The following PTGR3 variants were observed in gnomAD, a reference collection of about 807,000 sequenced individuals.
PTGR3 encodes the protein prostaglandin reductase 3, also known as zinc binding alcohol dehydrogenase domain containing 2.
chr18:75,198,856 T>C, the PTGR3 span: 5 of 152,560 alleles, frequency 3.3e-5, no homozygotes, highest in Non-Finnish European at 1.5e-5. Context: ...TTTTGTGATA[T>C]GTATTACAGT....
the PTGR3 span, chr18:75,195,660 C>T: frequency 3.3e-5 from 5 of 152,232 alleles, no homozygotes; most frequent in Admixed American, 2.6e-4. Flanking sequence ...TGCCTGTAAT[C>T]CCAGCACTTT....
chr18:75,208,227 G>T, the PTGR3 span: 1 of 786,020 alleles, frequency 1.3e-6, no homozygotes, highest in Non-Finnish European at 1.5e-6. Context: ...CCCGGGACAC[G>T]CGCCACGCGG....
At chr18:75,199,483 C>T in the PTGR3 span, 1 of 152,136 alleles carries the variant, frequency 6.6e-6, no homozygotes, top group Non-Finnish European at 1.5e-5. Flanking sequence ...TATTTTATTA[C>T]AACATTTTTT....
chr18:75,201,788 G>A, the PTGR3 span: 1 of 1,614,218 alleles, frequency 6.2e-7, no homozygotes, highest in Non-Finnish European at 8.5e-7. Context: ...CTACAGCCAA[G>A]TCAAACATGG....
chr18:75,208,771 G>A, the PTGR3 span: 5 of 1,265,608 alleles, frequency 4.0e-6, no homozygotes, highest in African/African-American at 6.3e-5. Flanking sequence ...CGGGCGGGCT[G>A]GGGACTGCGG....
chr18:75,204,764 C>T, the PTGR3 span, among the ~76,000 whole-genome samples: 1 of 152,114 alleles, frequency 6.6e-6, no homozygotes, highest in Admixed American at 6.5e-5. Flanking sequence ...CTCTCCGGGT[C>T]GGGCGGGGGC....
At chr18:75,208,437 C>A in the PTGR3 span, 4 of 996,854 alleles carry the variant, frequency 4.0e-6, no homozygotes, top group East Asian at 4.3e-4. Flanking sequence ...TCGCAGTTTG[C>A]GTCCAGGCTG....
chr18:75,195,434 G>C, the PTGR3 span: 1 of 152,166 alleles, frequency 6.6e-6, no homozygotes, highest in Non-Finnish European at 1.5e-5. Flanking sequence ...AGATGGTAAA[G>C]GGGACTGCAG....
the PTGR3 span, chr18:75,201,330 C>G: frequency 1.7e-6 from 2 of 1,205,406 alleles, no homozygotes; most frequent in Non-Finnish European, 2.3e-6. Flanking sequence ...ATATCCATTA[C>G]CAACTAAAAA....
At chr18:75,197,712 C>CA in the PTGR3 span, 4 of 152,062 alleles carry the variant, frequency 2.6e-5, no homozygotes, top group Non-Finnish European at 5.9e-5. Context: ...TAACTTTCAA[C>CA]AAAAAAGCCC....
At chr18:75,202,219 C>G in the PTGR3 span, 1 of 1,614,174 alleles carries the variant, frequency 6.2e-7, no homozygotes. Context: ...CTGGCACTAG[C>G]AGAGAGGCCT....
the PTGR3 span, chr18:75,198,184 C>T: frequency 6.6e-6 from 1 of 152,196 alleles, no homozygotes; most frequent in Non-Finnish European, 1.5e-5. Flanking sequence ...AAACCAGGTC[C>T]CTAAGGCAGG....
chr18:75,200,662 T>TC, the PTGR3 span: 2 of 152,090 alleles, frequency 1.3e-5, no homozygotes, highest in African/African-American at 4.8e-5. Flanking sequence ...TAATTTTAAG[T>TC]CCCCCTAATC....
chr18:75,203,628 A>G, the PTGR3 span, among the ~76,000 whole-genome samples: 2 of 152,180 alleles, frequency 1.3e-5, no homozygotes, highest in Non-Finnish European at 2.9e-5. Flanking sequence ...AGCACACCAC[A>G]CAGCCTCAAT....
chr18:75,197,888 T>C, the PTGR3 span: 1 of 139,966 alleles, frequency 7.1e-6, no homozygotes, highest in South Asian at 2.3e-4. Flanking sequence ...CCAAAGTTGA[T>C]AGTGCTTGGT....
At chr18:75,201,554 C>T in the PTGR3 span, 2 of 1,614,036 alleles carry the variant, frequency 1.2e-6, no homozygotes, top group African/African-American at 2.7e-5. Flanking sequence ...CTCCAAGGTC[C>T]ACCTCACAAA....
At chr18:75,205,133 G>A in the PTGR3 span, 1 of 984,612 alleles carries the variant, frequency 1.0e-6, no homozygotes, top group Non-Finnish European at 1.2e-6. Context: ...GCTTTGACGC[G>A]GCTTCGCCCC....
the PTGR3 span, chr18:75,195,371 G>A: frequency 6.6e-6 from 1 of 152,132 alleles, no homozygotes; most frequent in Non-Finnish European, 1.5e-5. Flanking sequence ...CATAACAAAG[G>A]CCAATTGCTG....
At chr18:75,199,513 G>A in the PTGR3 span, 1 of 152,202 alleles carries the variant, frequency 6.6e-6, no homozygotes, top group African/African-American at 2.4e-5. Flanking sequence ...GTCATTTCCT[G>A]TGCACAGTTA....
Sources: gnomAD v4.1 joint callset for allele counts (sites outside exome capture counted in the v4.1 genomes callset) on GRCh38, gnomAD v4.1.1 for gene constraint, MANE v1.5 for transcripts, NCBI Gene and HGNC (gene_info 2026-07-23, HGNC 2026-07-21) for gene names.